LRRTM4: variants seen among roughly 807,000 people sequenced by gnomAD.
LRRTM4 encodes the protein leucine-rich repeat transmembrane neuronal protein 4.
Under a neutral mutation model 47.6 loss-of-function variants are expected in LRRTM4, and 25 were observed. The ratio of observed to expected loss-of-function variants is 0.53; its 90% CI spans 0.38 to 0.73. The LOEUF (loss-of-function observed/expected upper bound fraction) is 0.73, where lower values mean the gene tolerates loss of function less well. Ranked by LOEUF, LRRTM4 falls within the 30% of genes least tolerant of loss-of-function variation. The pLI is 0.00. For missense variants in LRRTM4, 638 were observed against 713.4 expected (o/e 0.89, Z 1.20); for synonymous variants, 311 against 269.5 (o/e 1.15, Z -1.51).
intron 3 of LRRTM4, among the ~76,000 whole-genome samples, chr2:77,346,635 A>G (rs1238432680): frequency 6.6e-6 from 1 of 152,140 alleles, no homozygotes; most frequent in African/African-American, 2.4e-5. Flanking sequence ...GAAATAAAAT[A>G]AGAAAATAAT....
chr2:77,187,918 GTTATGT>G (rs1673555815), intron 3 of LRRTM4, among the ~76,000 whole-genome samples: 2 of 151,942 alleles, frequency 1.3e-5, no homozygotes, highest in African/African-American at 4.8e-5. Context: ...AATACAGAAT[GTTATGT>G]TAAAACACAA....
At chr2:76,817,923 G>A (rs998055394) in intron 3 of LRRTM4, among the ~76,000 whole-genome samples, 1 of 151,858 alleles carries the variant, frequency 6.6e-6, no homozygotes, top group Non-Finnish European at 1.5e-5. Flanking sequence ...TTAGCATAAA[G>A]CATATCATAA....
chr2:76,795,855 G>A (rs958300482), intron 3 of LRRTM4, among the ~76,000 whole-genome samples: 1 of 151,990 alleles, frequency 6.6e-6, no homozygotes, highest in Non-Finnish European at 1.5e-5. Context: ...ACAGCTCCCA[G>A]CGTGAGCGAC....
chr2:77,379,252 C>A (rs1266386300), intron 3 of LRRTM4, among the ~76,000 whole-genome samples: 2 of 151,996 alleles, frequency 1.3e-5, no homozygotes, highest in Admixed American at 1.3e-4. Context: ...TTTTGGCGAT[C>A]TAGTTTTTCA....
chr2:77,066,381 A>G (rs1488089597), intron 3 of LRRTM4, among the ~76,000 whole-genome samples: 1 of 152,226 alleles, frequency 6.6e-6, no homozygotes, highest in Non-Finnish European at 1.5e-5. Flanking sequence ...AAACAAAAAG[A>G]CTAATAGCAT....
At chr2:77,369,727 G>A (rs1359478681) in intron 3 of LRRTM4, among the ~76,000 whole-genome samples, 1 of 151,648 alleles carries the variant, frequency 6.6e-6, no homozygotes, top group East Asian at 1.9e-4. Context: ...AAATGGTAGA[G>A]CCTACTACCC....
At chr2:77,496,561 G>C (rs915874784) in intron 3 of LRRTM4, among the ~76,000 whole-genome samples, 64 of 151,796 alleles carry the variant, frequency 4.2e-4, no homozygotes, top group Admixed American at 3.5e-3. Flanking sequence ...CAAACGCTTT[G>C]TCTGCTTGTA....
intron 3 of LRRTM4, among the ~76,000 whole-genome samples, chr2:76,852,579 T>C (rs967985291): frequency 5.9e-5 from 9 of 152,200 alleles, no homozygotes; most frequent in Non-Finnish European, 1.3e-4. Context: ...CATTTGTCTA[T>C]ACATTCCTTT....
intron 3 of LRRTM4, among the ~76,000 whole-genome samples, chr2:77,362,237 C>T (rs1008101821): frequency 2.6e-5 from 4 of 151,914 alleles, no homozygotes; most frequent in African/African-American, 7.3e-5. Context: ...GATTTAATTC[C>T]GAGGCAGACT....
At chr2:77,447,133 T>A (rs944205777) in intron 3 of LRRTM4, among the ~76,000 whole-genome samples, 3 of 152,106 alleles carry the variant, frequency 2.0e-5, no homozygotes, top group African/African-American at 7.2e-5. Context: ...TGGATATTTA[T>A]GGGAGAAGCT....
rs547106864 is a variant in LRRTM4 at position 77,517,763 on chromosome 2, A to G, written c.1551+555T>C. ...ACACAGTAGGCCTCTGACATTCTCT[A>G]TGCTGGTATAATAACTAAATGGCAA... On this transcript the variant is annotated intron_variant, in intron 3 of 3. Transcript: ENST00000409884. The G allele has an allele frequency of 4.1e-6, 4 of 985,074 alleles. No homozygotes were observed. The African/African-American group carries it at 5.3e-5, about 13-fold the overall frequency. 61.0% of individuals were successfully genotyped at this position (985,074 alleles called of 1,614,324 possible).
At chr2:77,210,981 G>T (rs892804944) in intron 3 of LRRTM4, among the ~76,000 whole-genome samples, 2 of 152,100 alleles carry the variant, frequency 1.3e-5, no homozygotes, top group Non-Finnish European at 2.9e-5. Flanking sequence ...GGATGTGAAA[G>T]TGTAGTCACT....
chr2:77,494,372 G>A (rs1321478005), intron 3 of LRRTM4, among the ~76,000 whole-genome samples: 1 of 152,036 alleles, frequency 6.6e-6, no homozygotes, highest in Non-Finnish European at 1.5e-5. Flanking sequence ...TTGTGATGTT[G>A]CGCATTGCTG....
At chr2:76,795,568 T>G (rs889745142) in intron 3 of LRRTM4, among the ~76,000 whole-genome samples, 27 of 134,662 alleles carry the variant, frequency 2.0e-4, no homozygotes, top group African/African-American at 7.6e-4. Context: ...TATATACATG[T>G]GCATATATAT....
intron 3 of LRRTM4, among the ~76,000 whole-genome samples, chr2:76,859,138 T>C (rs1005903680): frequency 6.6e-6 from 1 of 152,126 alleles, no homozygotes; most frequent in Non-Finnish European, 1.5e-5. Flanking sequence ...AAAAATACCA[T>C]AAAGTAGAAA....
chr2:77,507,750 G>C (rs973208343), intron 3 of LRRTM4, among the ~76,000 whole-genome samples: 2 of 151,938 alleles, frequency 1.3e-5, no homozygotes, highest in African/African-American at 4.8e-5. Context: ...AGTTACAGAG[G>C]AAACAGCTAC....
At chr2:77,520,039 G>A (rs1254362923) in intron 2 of LRRTM4, among the ~76,000 whole-genome samples, 175 bp from the exon 3 acceptor site, 1 of 151,996 alleles carries the variant, frequency 6.6e-6, no homozygotes, top group East Asian at 1.9e-4. Flanking sequence ...TGCTGCTTAG[G>A]TTTCACTTTT....
chr2:77,206,862 A>G (rs1674141555), intron 3 of LRRTM4, among the ~76,000 whole-genome samples: 1 of 152,122 alleles, frequency 6.6e-6, no homozygotes, highest in Non-Finnish European at 1.5e-5. Context: ...AGCAATAAAA[A>G]CAACCTTAAT....
intron 3 of LRRTM4, among the ~76,000 whole-genome samples, chr2:77,452,568 G>A (rs1399690820): frequency 6.6e-6 from 1 of 152,196 alleles, no homozygotes; most frequent in Non-Finnish European, 1.5e-5. Flanking sequence ...TATCAAGGGA[G>A]ACCAGATGTG....
Sources: allele counts gnomAD v4.1 joint callset (sites outside exome capture counted in the v4.1 genomes callset), GRCh38; gene constraint gnomAD v4.1.1; transcripts MANE v1.5; gene names NCBI Gene and HGNC (gene_info 2026-07-23, HGNC 2026-07-21).